Variants in C8orf48 observed in about 807,000 individuals in gnomAD.
C8orf48 encodes the protein chromosome 8 open reading frame 48.
For missense variants in C8orf48, 580 were observed against 363.3 expected (o/e 1.60, Z -4.85); for synonymous variants, 188 against 138.2 (o/e 1.36, Z -2.53).
Position 13,567,605 on chromosome 8 carries a change from A to G in C8orf48, c.614A>G (p.Lys205Arg). The stretch of plus-strand genomic sequence containing the variant: ...TATCAGTGTCCCTATTGTAACAGGA[A>G]AAGAGCGGAGCTGGCCCTGTCTGCC... ...ISYQCPYCNRKRAELALSAFL... is the reference protein window; with the variant it reads ...ISYQCPYCNRRRAELALSAFL... Residue 205 changes from lysine to arginine, a missense_variant, in exon 1 of 1, where the codon AAA (lysine) becomes AGA (arginine). Physicochemically the swap from Lys to Arg is conservative, Grantham distance 26 (BLOSUM62 2). Coordinates refer to ENST00000297324, the MANE Select transcript of C8orf48 (RefSeq NM_001007090.3). The G allele has an allele frequency of 6.4e-7, 1 of 1,551,788 alleles. No homozygotes were observed. Among genetic ancestry groups the G allele is most frequent in the South Asian group, 1.2e-5 (1 of 84,066 alleles).
rs754815517 is a variant in C8orf48 at position 13,567,208 on chromosome 8, C to G, written c.217C>G (p.Leu73Val). Reference sequence around the variant, plus strand: ...GGAACAAGGAGACACACAATCTGAGCTTTTGGACTATAAAAATTATGAAAA... The same window carrying G: ...GGAACAAGGAGACACACAATCTGAGGTTTTGGACTATAAAAATTATGAAAA... Reference protein sequence around the residue: ...SLEQGDTQSELLDYKNYEKKL... With the variant: ...SLEQGDTQSEVLDYKNYEKKL... Residue 73 changes from leucine (L) to valine (V), a missense_variant, in exon 1 of 1, where the codon CTT becomes GTT. Physicochemically the swap from Leu to Val is conservative, Grantham distance 32. Coordinates refer to ENST00000297324, the MANE Select transcript of C8orf48 (RefSeq NM_001007090.3). 6.4e-7 allele frequency: 1 copy of G among 1,551,622 alleles called. No individual in the cohort carries two copies. Among genetic ancestry groups the G allele is most frequent in the African/African-American group, 1.4e-5 (1 of 73,094 alleles).
In C8orf48 at chr8:13,567,336, A is replaced by T. The variant is rs1804480652; in HGVS notation, c.345A>T (p.Ser115=). The T allele has an allele frequency of 1.3e-6, 2 of 1,551,766 alleles. No individual in the cohort carries two copies. Among genetic ancestry groups the T allele is most frequent in the Non-Finnish European group, 1.7e-6 (2 of 1,147,014 alleles). Reference sequence around the variant, plus strand: ...TTCCAACAGAAATCACTCGGGTATCAGATGAAGAATTGAATGCCCTGCAGT... The same window carrying T: ...TTCCAACAGAAATCACTCGGGTATCTGATGAAGAATTGAATGCCCTGCAGT... ...TKLPTEITRV[S]DEELNALQSY... The change falls in exon 1 of 1, where the codon TCA becomes TCT. Residue 115 remains serine (S), a synonymous_variant. Transcript: ENST00000297324.
chr8:13,567,519 C>T lies in C8orf48; in HGVS notation c.528C>T (p.Ile176=), dbSNP rs1462623371. The T allele has an allele frequency of 6.4e-7, 1 of 1,551,814 alleles. No homozygotes were observed. The highest frequency in any genetic ancestry group is 8.7e-7 in the Non-Finnish European group (1 of 1,147,068). The change falls in exon 1 of 1, where the codon ATC becomes ATT. Residue 176 remains isoleucine, a synonymous_variant. Coordinates refer to ENST00000297324, the MANE Select transcript of C8orf48 (RefSeq NM_001007090.3). ...CTVPDELLNR[I]YFKNMRTTPK... is the part of the protein sequence containing the mutation. Reference sequence around the variant, plus strand: ...TACCCGATGAACTTTTGAACAGAATCTACTTTAAAAACATGAGGACAACGC... The same window carrying T: ...TACCCGATGAACTTTTGAACAGAATTTACTTTAAAAACATGAGGACAACGC...
chr8:13,567,635 T>C lies in C8orf48; in HGVS notation c.644T>C (p.Leu215Pro). The change falls in exon 1 of 1, where the codon CTG becomes CCG. Residue 215 changes from leucine to proline, a missense_variant. Coordinates refer to ENST00000297324, the MANE Select transcript of C8orf48 (RefSeq NM_001007090.3). ...GCGGAGCTGGCCCTGTCTGCCTTTCTGAAACAAAAGAAGACTTTACTGGAG... is the reference window on the plus strand; with the variant it reads ...GCGGAGCTGGCCCTGTCTGCCTTTCCGAAACAAAAGAAGACTTTACTGGAG... ...KRAELALSAF[L>P]KQKKTLLESF... is the part of the protein sequence containing the mutation. 6.4e-7 allele frequency: 1 copy of C among 1,551,666 alleles called. No homozygotes were observed. The highest frequency in any genetic ancestry group is 1.2e-5 in the South Asian group (1 of 84,062).
Position 13,566,922 on chromosome 8 carries a change from C to G in C8orf48, c.-70C>G. On this transcript the variant is annotated 5_prime_UTR_variant, in exon 1 of 1. Coordinates refer to ENST00000297324, the MANE Select transcript of C8orf48 (RefSeq NM_001007090.3). ...TGAGATCCATTCCCGGAGGGGTCAG[C>G]TCCTGACGGGTTCCTGAGCCAGTCT... 1 of 1,463,490 alleles carries G rather than the reference C, an allele frequency of 6.8e-7. No individual in the cohort carries two copies. The allele number at this position is 1,463,490 out of a possible 1,614,324, so 90.7% of individuals were successfully genotyped here.
Position 13,567,316 on chromosome 8 carries a change from A to G in C8orf48, c.325A>G (p.Thr109Ala). Residue 109 changes from threonine (T) to alanine (A), a missense_variant, in exon 1 of 1, where the codon ACA becomes GCA. By Grantham distance (58) the Thr-to-Ala change is moderately conservative. Transcript: ENST00000297324. ...GCACCAACCAGACACCAAACTTCCA[A>G]CAGAAATCACTCGGGTATCAGATGA... ...ERHQPDTKLP[T>A]EITRVSDEEL... 6.4e-7 allele frequency: 1 copy of G among 1,551,738 alleles called. No homozygotes were observed. Among genetic ancestry groups the G allele is most frequent in the East Asian group, 2.4e-5 (1 of 40,904 alleles).
chr8:13,567,359 A>C lies in C8orf48; in HGVS notation c.368A>C (p.Gln123Pro). The C allele has an allele frequency of 6.4e-7, 1 of 1,551,756 alleles. No homozygotes were observed. The highest frequency in any genetic ancestry group is 8.7e-7 in the Non-Finnish European group (1 of 1,147,014). The part of the protein sequence containing the change: ...RVSDEELNAL[Q>P]SYCTMKINLI... Reference sequence around the variant, plus strand: ...TCAGATGAAGAATTGAATGCCCTGCAGTCTTATTGCACCATGAAGATAAAT... The same window carrying C: ...TCAGATGAAGAATTGAATGCCCTGCCGTCTTATTGCACCATGAAGATAAAT... The change falls in exon 1 of 1, where the codon CAG becomes CCG. Residue 123 changes from glutamine to proline, a missense_variant. Physicochemically the swap from Gln to Pro is moderately conservative, Grantham distance 76. Transcript: ENST00000297324.
rs1273817760 is a variant in C8orf48, at chr8:13,567,855, T to C, written c.864T>C (p.Asp288=). ...AGACAGAGCAGAAGTTGCAGCGAGA[T>C]GGAAATAGTGCTTGTCATTTACCAT... ...RSETEQKLQR[D]GNSACHLPFS... The change falls in exon 1 of 1, where the codon GAT becomes GAC. Residue 288 remains aspartate, a synonymous_variant. Coordinates refer to ENST00000297324, the MANE Select transcript of C8orf48 (RefSeq NM_001007090.3). The C allele has an allele frequency of 1.3e-6, 2 of 1,551,774 alleles. No individual in the cohort carries two copies. The highest frequency in any genetic ancestry group is 2.7e-5 in the African/African-American group (2 of 73,062).
rs1285093435 is a variant in C8orf48 at position 13,567,347 on chromosome 8, T to C, written c.356T>C (p.Leu119Ser). 1.3e-6 allele frequency: 2 copies of C among 1,551,620 alleles called. No individual in the cohort carries two copies. The highest frequency in any genetic ancestry group is 1.7e-6 in the Non-Finnish European group (2 of 1,146,978). Residue 119 changes from leucine (L) to serine (S), a missense_variant, in exon 1 of 1, where the codon TTG becomes TCG. By Grantham distance (145) the Leu-to-Ser change is moderately radical. Transcript: ENST00000297324. ...TEITRVSDEELNALQSYCTMK... is the reference protein window; with the variant it reads ...TEITRVSDEESNALQSYCTMK... ...ATCACTCGGGTATCAGATGAAGAAT[T>C]GAATGCCCTGCAGTCTTATTGCACC...
chr8:13,567,888 G>T lies in C8orf48; in HGVS notation c.897G>T (p.Leu299=). Residue 299 remains leucine (L), a synonymous_variant, in exon 1 of 1, where the codon CTG becomes CTT. Coordinates refer to ENST00000297324, the MANE Select transcript of C8orf48 (RefSeq NM_001007090.3). ...GTGCTTGTCATTTACCATTTTCTCT[G>T]CCATTTCTCAAGCGACTTACTCTAA... ...GNSACHLPFS[L]PFLKRLTLIK... is the part of the protein sequence containing the mutation. 6.4e-7 allele frequency: 1 copy of T among 1,552,026 alleles called. No individual in the cohort carries two copies. The highest frequency in any genetic ancestry group is 8.7e-7 in the Non-Finnish European group (1 of 1,147,048).
In C8orf48 at chr8:13,568,008, T is replaced by C. The variant is rs2117402520; in HGVS notation, c.*57T>C. The C allele has an allele frequency of 2.1e-6, 3 of 1,460,598 alleles. No individual in the cohort carries two copies. Among genetic ancestry groups the C allele is most frequent in the East Asian group, 2.5e-5 (1 of 40,298 alleles). 90.5% of individuals were successfully genotyped at this position (1,460,598 alleles called of 1,614,324 possible). ...TAATTACCATAATTTCTACAGGCACTTGGGAAACTAACTTAAGACTTTACT... is the reference window on the plus strand; with the variant it reads ...TAATTACCATAATTTCTACAGGCACCTGGGAAACTAACTTAAGACTTTACT... On this transcript the variant is annotated 3_prime_UTR_variant, in exon 1 of 1. Coordinates refer to ENST00000297324, the MANE Select transcript of C8orf48 (RefSeq NM_001007090.3).
Position 13,567,230 on chromosome 8 carries a change from A to T in C8orf48, c.239A>T (p.Glu80Val), listed in dbSNP as rs1804473661. Residue 80 changes from glutamate to valine, a missense_variant, in exon 1 of 1, where the codon GAA becomes GTA. Coordinates refer to ENST00000297324, the MANE Select transcript of C8orf48 (RefSeq NM_001007090.3). Reference sequence around the variant, plus strand: ...GAGCTTTTGGACTATAAAAATTATGAAAAGAAGTTGAGTAAAAAATGGATC... The same window carrying T: ...GAGCTTTTGGACTATAAAAATTATGTAAAGAAGTTGAGTAAAAAATGGATC... ...QSELLDYKNY[E>V]KKLSKKWINY... The T allele has an allele frequency of 6.4e-7, 1 of 1,551,460 alleles. No individual in the cohort carries two copies. Among genetic ancestry groups the T allele is most frequent in the Admixed American group, 2.0e-5 (1 of 50,906 alleles).
chr8:13,567,588 T>TGTTA, the C8orf48 span: 1 of 1,551,750 alleles, frequency 6.4e-7, no homozygotes, highest in Non-Finnish European at 8.7e-7. Context: ...CTTATCAGTG[T>TGTTA]CCCTATTGTA....
chr8:13,568,100 T>C lies in C8orf48; in HGVS notation c.*149T>C, dbSNP rs1176609522. ...TTTTTTCCTATTATAGAAGGCACTG[T>C]TGTAGTTGGAATAGTTATAAAAACT... is the stretch of plus-strand genomic sequence containing the variant. On this transcript the variant is annotated 3_prime_UTR_variant, in exon 1 of 1. Transcript: ENST00000297324. The C allele has an allele frequency of 9.5e-6, 8 of 843,932 alleles. No individual in the cohort carries two copies. The African/African-American group carries it at 1.2e-4, about 13-fold the overall frequency. 52.3% of individuals were successfully genotyped at this position (843,932 alleles called of 1,614,324 possible).
In C8orf48 at chr8:13,567,836, A is replaced by G. The variant is rs1046075131; in HGVS notation, c.845A>G (p.Glu282Gly). Reference protein sequence around the residue: ...RYSGFERSETEQKLQRDGNSA... With the variant: ...RYSGFERSETGQKLQRDGNSA... ...TCTGGTTTTGAAAGATCAGAGACAG[A>G]GCAGAAGTTGCAGCGAGATGGAAAT... Residue 282 changes from glutamate to glycine, a missense_variant, in exon 1 of 1, where the codon GAG becomes GGG. Transcript: ENST00000297324. The G allele has an allele frequency of 2.6e-6, 4 of 1,551,872 alleles. No individual in the cohort carries two copies. The highest frequency in any genetic ancestry group is 3.5e-6 in the Non-Finnish European group (4 of 1,147,020).
In C8orf48 at chr8:13,567,703, A is replaced by G; in HGVS notation, c.712A>G (p.Lys238Glu). ...GAGAATAGATGAACATCTTCATACC[A>G]AAGACTTTCTCACCCGTATTGGAGA... Reference protein sequence around the residue: ...QERIDEHLHTKDFLTRIGEAH... With the variant: ...QERIDEHLHTEDFLTRIGEAH... The change falls in exon 1 of 1, where the codon AAA becomes GAA. Residue 238 changes from lysine to glutamate, a missense_variant. Transcript: ENST00000297324. 3 of 1,552,038 alleles carry G rather than the reference A, an allele frequency of 1.9e-6. No individual in the cohort carries two copies. Among genetic ancestry groups the G allele is most frequent in the Non-Finnish European group, 2.6e-6 (3 of 1,147,070 alleles).
the C8orf48 span, chr8:13,567,339 TG>T: frequency 6.4e-7 from 1 of 1,551,564 alleles, no homozygotes; most frequent in East Asian, 2.4e-5. Flanking sequence ...GGGTATCAGA[TG>T]AAGAATTGAA....
Position 13,567,128 on chromosome 8 carries a change from C to G in C8orf48, c.137C>G (p.Ser46Cys), listed in dbSNP as rs191812233. 1.3e-6 allele frequency: 2 copies of G among 1,551,612 alleles called. No individual in the cohort carries two copies. The highest frequency in any genetic ancestry group is 1.4e-5 in the African/African-American group (1 of 73,032). ...SSFSSSGGRQ[S>C]SPLTSGSKLE... Reference sequence around the variant, plus strand: ...TTCAGCTCCTCTGGAGGACGGCAGTCCTCGCCCCTGACCTCTGGGAGCAAA... The same window carrying G: ...TTCAGCTCCTCTGGAGGACGGCAGTGCTCGCCCCTGACCTCTGGGAGCAAA... The change falls in exon 1 of 1, where the codon TCC (serine) becomes TGC (cysteine). Residue 46 changes from serine (S) to cysteine (C), a missense_variant. Transcript: ENST00000297324.
chr8:13,566,884 G>C lies in C8orf48; in HGVS notation c.-108G>C, dbSNP rs1235818169. ...CGTCTCCCGGAAGACGACCTCCGCA[G>C]AGCTGATGGCATTGAGATCCATTCC... is the stretch of plus-strand genomic sequence containing the variant. On this transcript the variant is annotated 5_prime_UTR_variant, in exon 1 of 1. Transcript: ENST00000297324. 7.2e-7 allele frequency: 1 copy of C among 1,383,812 alleles called. No individual in the cohort carries two copies. The highest frequency in any genetic ancestry group is 2.5e-5 in the East Asian group (1 of 39,328). The allele number at this position is 1,383,812 out of a possible 1,614,324, so 85.7% of individuals were successfully genotyped here. A position where few individuals can be genotyped will look rare whatever the true frequency, so the allele number is the denominator to read the frequency against.
Sources: gnomAD v4.1 joint callset for allele counts on GRCh38, gnomAD v4.1.1 for gene constraint, MANE v1.5 for transcripts, NCBI Gene and HGNC (gene_info 2026-07-23, HGNC 2026-07-21) for gene names.